The following WWOX variants were observed in gnomAD, a reference collection of about 807,000 sequenced individuals.
WWOX encodes WW domain containing oxidoreductase.
Under a neutral mutation model 46.2 loss-of-function variants are expected in WWOX, and 69 were observed. The ratio of observed to expected loss-of-function variants is 1.49; its 90% CI spans 1.23 to 1.82. The LOEUF is 1.82. Among genes scored for constraint, WWOX ranks in the 40% most tolerant of loss-of-function variants. The pLI, the probability that WWOX is intolerant of heterozygous loss-of-function variation, is 0.00. For synonymous variants in WWOX, 359 were observed against 202.6 expected, an observed-to-expected ratio of 1.77 and a Z score of -6.56; for missense variants, 919 against 542.6, an observed-to-expected ratio of 1.69 and a Z score of -6.89.
At chr16:78,533,712 C>T (rs2043687261) in intron 8 of WWOX, among the ~76,000 whole-genome samples, 1 of 152,154 alleles carries the variant, frequency 6.6e-6, no homozygotes, top group Non-Finnish European at 1.5e-5. Context: ...ATTTGTGCTC[C>T]AGGTCTGAGC....
intron 8 of WWOX, among the ~76,000 whole-genome samples, chr16:78,559,575 C>T (rs1460875416): frequency 6.6e-6 from 1 of 152,346 alleles, no homozygotes; most frequent in African/African-American, 2.4e-5. Context: ...AAAAGAGGCT[C>T]TAAGTGCGTA....
intron 8 of WWOX, among the ~76,000 whole-genome samples, chr16:79,123,847 C>A (rs1470209884): frequency 6.6e-6 from 1 of 152,164 alleles, no homozygotes; most frequent in Non-Finnish European, 1.5e-5. Context: ...TCAAGAGAAA[C>A]TGATTGATAT....
At chr16:78,464,031 G>A (rs1354352875) in intron 8 of WWOX, among the ~76,000 whole-genome samples, 1 of 152,138 alleles carries the variant, frequency 6.6e-6, no homozygotes, top group Non-Finnish European at 1.5e-5. Flanking sequence ...AAGGCAGTGG[G>A]CTGTTGTAGA....
intron 8 of WWOX, among the ~76,000 whole-genome samples, chr16:78,597,325 C>G (rs1418616334): frequency 6.6e-6 from 1 of 152,132 alleles, no homozygotes; most frequent in Admixed American, 6.5e-5. Flanking sequence ...GTGTGCCGGG[C>G]ACTGTACTTG....
intron 8 of WWOX, among the ~76,000 whole-genome samples, chr16:78,973,749 G>T (rs4887998): frequency 6.6e-6 from 1 of 151,880 alleles, no homozygotes; most frequent in Non-Finnish European, 1.5e-5. Context: ...TAAATGAAAA[G>T]TATTTCTGGG....
At chr16:78,406,817 G>T (rs573220483) in intron 6 of WWOX, among the ~76,000 whole-genome samples, 5 of 152,042 alleles carry the variant, frequency 3.3e-5, no homozygotes, top group African/African-American at 9.6e-5. Context: ...AGTAGAGATG[G>T]GTTTCACTGT....
chr16:78,900,245 T>C (rs562908327), intron 8 of WWOX, among the ~76,000 whole-genome samples: 1 of 152,230 alleles, frequency 6.6e-6, no homozygotes, highest in Non-Finnish European at 1.5e-5. Context: ...TTTCTCCTCC[T>C]GTTTTGTGTC....
At chr16:78,285,932 T>A (rs2079758864) in intron 5 of WWOX, among the ~76,000 whole-genome samples, 1 of 152,224 alleles carries the variant, frequency 6.6e-6, no homozygotes, top group African/African-American at 2.4e-5. Context: ...TTTAAGGCTT[T>A]ATTACTTGCG....
At chr16:78,252,610 A>G (rs1275794952) in intron 5 of WWOX, among the ~76,000 whole-genome samples, 1 of 152,130 alleles carries the variant, frequency 6.6e-6, no homozygotes, top group African/African-American at 2.4e-5. Flanking sequence ...TTTTCCTTCT[A>G]CTTAAGGGCT....
chr16:78,822,951 A>T (rs1376167064), intron 8 of WWOX, among the ~76,000 whole-genome samples: 1 of 152,210 alleles, frequency 6.6e-6, no homozygotes, highest in Non-Finnish European at 1.5e-5. Flanking sequence ...AAGGAATTAG[A>T]AACAGAGAAA....
intron 8 of WWOX, among the ~76,000 whole-genome samples, chr16:78,641,300 A>G (rs2046704562): frequency 6.6e-6 from 1 of 152,092 alleles, no homozygotes; most frequent in Non-Finnish European, 1.5e-5. Context: ...AAATGCAAAT[A>G]TGACAATAGG....
At chr16:78,591,560 C>T (rs976324776) in intron 8 of WWOX, among the ~76,000 whole-genome samples, 1 of 152,280 alleles carries the variant, frequency 6.6e-6, no homozygotes, top group East Asian at 1.9e-4. Flanking sequence ...TAACATCAGG[C>T]AAATGGGTTT....
chr16:78,524,993 G>C (rs1373208069), intron 8 of WWOX, among the ~76,000 whole-genome samples: 1 of 150,368 alleles, frequency 6.7e-6, no homozygotes, highest in African/African-American at 2.4e-5. Flanking sequence ...AGCCTCCTGA[G>C]TAGCTGGAAT....
chr16:78,418,568 C>G (rs572108556), intron 6 of WWOX, among the ~76,000 whole-genome samples: 11 of 152,022 alleles, frequency 7.2e-5, no homozygotes, highest in Non-Finnish European at 1.5e-4. Context: ...AAAATGCTAG[C>G]AAGCCAAATG....
At chr16:78,627,457 T>G (rs2046335955) in intron 8 of WWOX, among the ~76,000 whole-genome samples, 1 of 152,212 alleles carries the variant, frequency 6.6e-6, no homozygotes, top group South Asian at 2.1e-4. Flanking sequence ...CTCCAAGGCC[T>G]CTTCCAATCT....
At chr16:78,738,268 T>C (rs2142406855) in intron 8 of WWOX, among the ~76,000 whole-genome samples, 1 of 152,312 alleles carries the variant, frequency 6.6e-6, no homozygotes, top group African/African-American at 2.4e-5. Flanking sequence ...CCCTTTCTAA[T>C]ATTATATATT....
chr16:78,335,899 C>T (rs1177103301), intron 5 of WWOX, among the ~76,000 whole-genome samples: 1 of 152,096 alleles, frequency 6.6e-6, no homozygotes, highest in Non-Finnish European at 1.5e-5. Flanking sequence ...TGAGACCAGC[C>T]TTGCCAACAT....
intron 8 of WWOX, chr16:78,896,681 G>C (rs1248617863): frequency 6.6e-6 from 1 of 152,014 alleles, no homozygotes; most frequent in African/African-American, 2.4e-5. Flanking sequence ...TTGTCGATTG[G>C]ATTGTAGCAC....
intron 8 of WWOX, among the ~76,000 whole-genome samples, chr16:78,625,412 C>T (rs2046289491): frequency 6.6e-6 from 1 of 152,136 alleles, no homozygotes; most frequent in Non-Finnish European, 1.5e-5. Context: ...ACTAGAATGC[C>T]ATATGCTTTT....
Sources: allele counts gnomAD v4.1 joint callset (sites outside exome capture counted in the v4.1 genomes callset), GRCh38; gene constraint gnomAD v4.1.1; transcripts MANE v1.5; gene names NCBI Gene and HGNC (gene_info 2026-07-23, HGNC 2026-07-21).